The following PLAA variants were observed in gnomAD, a reference collection of about 807,000 sequenced individuals.
PLAA encodes the protein phospholipase A2 activating protein.
In PLAA, 48 loss-of-function variants were observed where a neutral mutation model predicts 84.1. That is an observed-to-expected ratio of 0.57 (90% CI 0.45 to 0.73). PLAA has a LOEUF of 0.73. PLAA is among the 30% of genes least tolerant of loss of function. The pLI is 0.00. For synonymous variants in PLAA, 392 were observed against 336.6 expected, an observed-to-expected ratio of 1.16 and a Z score of -1.80; for missense variants, 903 against 954.7, an observed-to-expected ratio of 0.95 and a Z score of 0.71.
At chr9:26,924,395 A>C (rs969979837) in intron 6 of PLAA, among the ~76,000 whole-genome samples, 61 of 152,096 alleles carry the variant, frequency 4.0e-4, no homozygotes, top group Non-Finnish European at 6.9e-4. Flanking sequence ...GGACCTACCA[A>C]AGTGCTGGGA....
At chr9:26,946,569 G>A (rs115705199) in intron 1 of PLAA, among the ~76,000 whole-genome samples, 256 of 151,800 alleles carry the variant, frequency 1.7e-3, no homozygotes, top group African/African-American at 5.7e-3. Flanking sequence ...ACTTCGGAGG[G>A]TGCAACTGCA....
Position 26,907,900 on chromosome 9 carries a change from T to A in PLAA, c.1756A>T (p.Ser586Cys), listed in dbSNP as rs1301398696. ...LEKILSLICN[S>C]SSEKPTVQQL... ...TGGACTGTGGGTTTTTCTGAAGAAC[T>A]ATTACATATTAGAGACAGTATCTTC... The change falls in exon 13 of 14, where the codon AGT becomes TGT. Residue 586 changes from serine to cysteine, a missense_variant. Physicochemically the swap from Ser to Cys is moderately radical, Grantham distance 112 (BLOSUM62 -1). Coordinates refer to ENST00000397292, the MANE Select transcript of PLAA (RefSeq NM_001031689.3). 2 of 1,612,012 alleles carry A rather than the reference T, an allele frequency of 1.2e-6. No homozygotes were observed. Among genetic ancestry groups the A allele is most frequent in the Admixed American group, 1.7e-5 (1 of 59,380 alleles).
rs907155759 is a variant in PLAA, at chr9:26,904,344, T to C, written c.*1167A>G. The C allele has an allele frequency of 6.6e-6, 1 of 152,182 alleles. No individual in the cohort carries two copies. Among genetic ancestry groups the C allele is most frequent in the Non-Finnish European group, 1.5e-5 (1 of 68,004 alleles). 9.4% of individuals were successfully genotyped at this position (152,182 alleles called of 1,614,324 possible). ...GATCTTTCCCACTTTTGAAAATAGT[T>C]ACGCTTCTCTCAAGAAACTGGGTTA... is the stretch of plus-strand genomic sequence containing the variant. On this transcript the variant is annotated 3_prime_UTR_variant, in exon 14 of 14. Coordinates refer to ENST00000397292, the MANE Select transcript of PLAA (RefSeq NM_001031689.3).
chr9:26,911,852 TACATTAGGAATAGA>T (rs1824409294), intron 11 of PLAA, among the ~76,000 whole-genome samples: 1 of 152,170 alleles, frequency 6.6e-6, no homozygotes, highest in South Asian at 2.1e-4. Flanking sequence ...ATATTCTGAT[TACATTAGGAATAGA>T]AAGGGATGAA....
At chr9:26,940,974 T>C (rs1825516261) in intron 1 of PLAA, among the ~76,000 whole-genome samples, 1 of 152,182 alleles carries the variant, frequency 6.6e-6, no homozygotes, top group Admixed American at 6.5e-5. Context: ...CCACTATGTG[T>C]AACCCTTAAC....
chr9:26,907,707 A>G (rs1824280377), intron 13 of PLAA, 127 bp downstream of exon 13: 2 of 760,758 alleles, frequency 2.6e-6, no homozygotes, highest in African/African-American at 1.8e-5. Context: ...TTTCGTGAAG[A>G]TTTTCCATAG....
chr9:26,906,081 T>TAAAAA lies in PLAA; in HGVS notation c.1823-10_1823-6dup, dbSNP rs761912683. ...CAAGTGCAGGAAAGACAATATCTAT[T>TAAAAA]AAAAAAAAAAAGTCATTAATGCTTA... On this transcript the variant is annotated splice_polypyrimidine_tract_variant and splice_region_variant and intron_variant, in intron 13 of 13. Transcript: ENST00000397292. 3.3e-6 allele frequency: 4 copies of TAAAAA among 1,198,288 alleles called. No individual in the cohort carries two copies. In the Admixed American group the frequency reaches 1.2e-4, roughly 34 times the overall value. 74.2% of individuals were successfully genotyped at this position (1,198,288 alleles called of 1,614,324 possible).
At chr9:26,936,481 T>C (rs1440743212) in intron 1 of PLAA, among the ~76,000 whole-genome samples, 1 of 152,204 alleles carries the variant, frequency 6.6e-6, no homozygotes, top group Non-Finnish European at 1.5e-5. Context: ...CTGATGTAAC[T>C]ATTATGAAAC....
chr9:26,945,619 A>G (rs1825670915), intron 1 of PLAA, among the ~76,000 whole-genome samples: 1 of 152,198 alleles, frequency 6.6e-6, no homozygotes. Context: ...ACCATCAGCT[A>G]GCAGAAACTT....
intron 10 of PLAA, chr9:26,916,527 G>A: frequency 3.0e-6 from 3 of 986,072 alleles, no homozygotes; most frequent in Non-Finnish European, 3.6e-6. Flanking sequence ...GACTACTCCT[G>A]GGTAGTTGGG....
intron 1 of PLAA, among the ~76,000 whole-genome samples, chr9:26,936,756 C>T (rs1438657653): frequency 6.6e-6 from 1 of 152,106 alleles, no homozygotes; most frequent in African/African-American, 2.4e-5. Context: ...AGAGCAACAA[C>T]AAAGAGGCAG....
intron 11 of PLAA, among the ~76,000 whole-genome samples, chr9:26,913,510 G>T (rs1320485683): frequency 6.6e-6 from 1 of 152,180 alleles, no homozygotes; most frequent in South Asian, 2.1e-4. Flanking sequence ...CACAGACTTT[G>T]TAAGAGTAGT....
In PLAA at chr9:26,925,876, G is replaced by A; in HGVS notation, c.818C>T (p.Ser273Phe). The A allele has an allele frequency of 6.2e-7, 1 of 1,613,742 alleles. No homozygotes were observed. The highest frequency in any genetic ancestry group is 1.1e-5 in the South Asian group (1 of 91,064). ...CAQTIRLPAQ[S>F]IWCCCVLDNG... ...GTCGAGCACACAGCAGCACCATATA[G>A]ACTGAGCTGGAAGTCGGATAGTTTG... is the stretch of plus-strand genomic sequence containing the variant. The change falls in exon 6 of 14, where the codon TCT becomes TTT. Residue 273 changes from serine to phenylalanine, a missense_variant. Physicochemically the swap from Ser to Phe is radical, Grantham distance 155. Transcript: ENST00000397292.
At chr9:26,917,258 G>C in intron 9 of PLAA, 93 bp from the exon 10 acceptor site, 1 of 961,162 alleles carries the variant, frequency 1.0e-6, no homozygotes, top group Non-Finnish European at 1.6e-6. Context: ...CCTACATTTG[G>C]AGAAAAACAG....
chr9:26,913,947 C>CT lies in PLAA; in HGVS notation c.1487-1_1487insA (p.Gly496GlufsTer20). On this transcript the variant is annotated frameshift_variant and splice_region_variant. Transcript: ENST00000397292. LOFTEE classifies it high-confidence loss of function. ...AGAACCTGGTACATAACGACCAGCA[C>CT]CTACAATACAATAATACTCCTAGTA... The CT allele has an allele frequency of 6.2e-7, 1 of 1,606,650 alleles. No homozygotes were observed. The highest frequency in any genetic ancestry group is 2.2e-5 in the East Asian group (1 of 44,828).
intron 11 of PLAA, among the ~76,000 whole-genome samples, chr9:26,910,924 C>G (rs903299275): frequency 5.9e-5 from 9 of 152,150 alleles, no homozygotes; most frequent in Middle Eastern, 3.2e-3. Context: ...CTGATCTCTC[C>G]TTTTATGTCT....
intron 1 of PLAA, among the ~76,000 whole-genome samples, chr9:26,936,874 C>T (rs561087899): frequency 6.6e-6 from 1 of 152,144 alleles, no homozygotes; most frequent in Admixed American, 6.5e-5. Flanking sequence ...GGCACAGTGG[C>T]TCATGCGTGT....
At chr9:26,934,474 A>AC (rs1825292553) in intron 2 of PLAA, among the ~76,000 whole-genome samples, 1 of 90,732 alleles carries the variant, frequency 1.1e-5, no homozygotes, top group Admixed American at 1.5e-4. Context: ...TGAACACTTT[A>AC]CTTTTTTTTT....
intron 1 of PLAA, among the ~76,000 whole-genome samples, chr9:26,943,687 C>T (rs1825607709): frequency 1.3e-5 from 2 of 152,074 alleles, no homozygotes; most frequent in East Asian, 3.9e-4. Flanking sequence ...TGGTTCACAC[C>T]TTTAATCCCA....
Sources: gnomAD v4.1 joint callset for allele counts (sites outside exome capture counted in the v4.1 genomes callset) on GRCh38, gnomAD v4.1.1 for gene constraint, MANE v1.5 for transcripts, NCBI Gene and HGNC (gene_info 2026-07-23, HGNC 2026-07-21) for gene names.